FAM83E: variants seen among roughly 807,000 people sequenced by gnomAD.
FAM83E encodes the protein scaffolding CK1 anchoring protein E, also known as protein FAM83E.
In FAM83E, 29 loss-of-function variants were observed where a neutral mutation model predicts 34.3. That is an observed-to-expected ratio of 0.85 (90% confidence interval 0.63 to 1.15). FAM83E has a LOEUF of 1.15. FAM83E is among the 50% of genes most tolerant of loss of function. The pLI is 0.00. For missense variants in FAM83E, 697 were observed against 685.0 expected, an observed-to-expected ratio of 1.02 and a Z score of -0.20; for synonymous variants, 312 against 311.6, an observed-to-expected ratio of 1.00 and a Z score of -0.01.
At chr19:48,604,996 G>GGCGACAGGAGT (rs1973898474) in intron 5 of FAM83E, among the ~76,000 whole-genome samples, 1 of 144,964 alleles carries the variant, frequency 6.9e-6, no homozygotes, top group Non-Finnish European at 1.5e-5. Flanking sequence ...CTCCAACCTG[G>GGCGACAGGAGT]GCGACAGAGC....
In FAM83E at chr19:48,600,822, G is replaced by T; in HGVS notation, c.*287C>A. 1 of 358,438 alleles carries T rather than the reference G, an allele frequency of 2.8e-6. No individual in the cohort carries two copies. The highest frequency in any genetic ancestry group is 6.8e-5 in the East Asian group (1 of 14,660). The allele number at this position is 358,438 out of a possible 1,614,324, so 22.2% of individuals were successfully genotyped here. ...GTGCGCCACCACACCCAACTAATTTGTTTTTTTAATTGTAGAGATGGGGTC... is the reference window on the plus strand; with the variant it reads ...GTGCGCCACCACACCCAACTAATTTTTTTTTTTAATTGTAGAGATGGGGTC... On this transcript the variant is annotated 3_prime_UTR_variant, in exon 7 of 7. Transcript: ENST00000263266.
chr19:48,602,673 C>A (rs1973839004), intron 6 of FAM83E, among the ~76,000 whole-genome samples: 1 of 88,710 alleles, frequency 1.1e-5, no homozygotes, highest in Non-Finnish European at 2.0e-5. Flanking sequence ...CATTGCAGAG[C>A]AAGACCCTAT....
rs1973799825 is a variant in FAM83E, at chr19:48,600,972, C to T, written c.*137G>A. The T allele has an allele frequency of 6.8e-7, 1 of 1,463,852 alleles. No individual in the cohort carries two copies. The highest frequency in any genetic ancestry group is 2.5e-5 in the Admixed American group (1 of 40,090). The allele number at this position is 1,463,852 out of a possible 1,614,324, so 90.7% of individuals were successfully genotyped here. A position where few individuals can be genotyped will look rare whatever the true frequency, so the allele number is the denominator to read the frequency against. ...CCGGCCCAAGTTGCAGAACAAGTGA[C>T]AAACATCCCTTCTGCTTGACAGACG... On this transcript the variant is annotated 3_prime_UTR_variant, in exon 7 of 7. Transcript: ENST00000263266.
rs543968839 is a variant in FAM83E, at chr19:48,609,949, G to A, written c.685C>T (p.Arg229Trp). 5.5e-5 allele frequency: 88 copies of A among 1,613,058 alleles called. 1 individual carries two copies. The South Asian group carries it at 6.1e-4, about 11-fold the overall frequency. ...RGCSFQSRWRRQVSGTVREKF... is the reference protein window; with the variant it reads ...RGCSFQSRWRWQVSGTVREKF... ...TCCCGCACGGTGCCGCTCACCTGCC[G>A]TCGCCAGCGGCTCTGGAAGCTGCAG... Residue 229 changes from arginine to tryptophan, a missense_variant, in exon 5 of 7, where the codon CGG becomes TGG. Transcript: ENST00000263266.
intron 5 of FAM83E, chr19:48,607,679 T>G: frequency 3.3e-6 from 1 of 298,574 alleles, no homozygotes; most frequent in South Asian, 1.2e-4. Flanking sequence ...AAAAAATATA[T>G]ATATATCATA....
At chr19:48,606,238 G>A (rs934334889) in intron 5 of FAM83E, among the ~76,000 whole-genome samples, 2 of 152,182 alleles carry the variant, frequency 1.3e-5, no homozygotes, top group Admixed American at 6.6e-5. Context: ...TTGAAGCTGG[G>A]AAGCAGAAGC....
Position 48,614,068 on chromosome 19 carries a change from A to G in FAM83E, c.-696T>C. 1 of 985,320 alleles carries G rather than the reference A, an allele frequency of 1.0e-6. No individual in the cohort carries two copies. The highest frequency in any genetic ancestry group is 1.1e-4 in the East Asian group (1 of 8,818). 61.0% of individuals were successfully genotyped at this position (985,320 alleles called of 1,614,324 possible). The stretch of plus-strand genomic sequence containing the variant: ...GAGTTTCTCCTGCTCATCAGCTCTC[A>G]CCCGCAGACCAGCCAGGATGCCTCT... On this transcript the variant is annotated 5_prime_UTR_variant, in exon 3 of 7. Coordinates refer to ENST00000263266, the MANE Select transcript of FAM83E (RefSeq NM_017708.4).
Position 48,613,011 on chromosome 19 carries a change from G to A in FAM83E, c.362C>T (p.Ala121Val), listed in dbSNP as rs778652007. 2.0e-5 allele frequency: 32 copies of A among 1,604,162 alleles called. No homozygotes were observed. Among genetic ancestry groups the A allele is most frequent in the South Asian group, 4.5e-5 (4 of 89,716 alleles). Reference sequence around the variant, plus strand: ...CTGCGCCCGGGTGATGCCTTTCCACGCAGAGTCCACTGGCCAGCCCAGCCG... The same window carrying A: ...CTGCGCCCGGGTGATGCCTTTCCACACAGAGTCCACTGGCCAGCCCAGCCG... The part of the protein sequence containing the change: ...VLRLGWPVDS[A>V]WKGITRAQLY... The change falls in exon 3 of 7, where the codon GCG becomes GTG. Residue 121 changes from alanine (A) to valine (V), a missense_variant. Ala to Val is a moderately conservative substitution (Grantham distance 64). Transcript: ENST00000263266.
chr19:48,607,280 G>A, intron 5 of FAM83E: 1 of 1,601,794 alleles, frequency 6.2e-7, no homozygotes. Flanking sequence ...AGAGCCCCGA[G>A]CAGCCAGACA....
At position 48,603,896 on chromosome 19, in the gene FAM83E, G is replaced by A. The variant is rs776306481; in HGVS notation, c.774C>T (p.Asp258=). 9 of 1,600,042 alleles carry A rather than the reference G, an allele frequency of 5.6e-6. No individual in the cohort carries two copies. The Admixed American group carries it at 6.9e-5, about 12-fold the overall frequency. ...TCACCAGGCCTCGGTGCAGGCGTGC[G>A]TCACTCCACGTGAAGCTGGGGGTCG... ...ISGSYSFTWS[D]ARLHRGLVTL... is the part of the protein sequence containing the mutation. Residue 258 remains aspartate, a synonymous_variant, in exon 6 of 7, where the codon GAC becomes GAT. Coordinates refer to ENST00000263266, the MANE Select transcript of FAM83E (RefSeq NM_017708.4).
At chr19:48,605,261 C>T (rs1973907333) in intron 5 of FAM83E, among the ~76,000 whole-genome samples, 1 of 152,018 alleles carries the variant, frequency 6.6e-6, no homozygotes, top group African/African-American at 2.4e-5. Context: ...CTGCAGTGCT[C>T]ATCTGCAATC....
At position 48,614,959 on chromosome 19, in the gene FAM83E, C is replaced by T. The variant is rs970855833; in HGVS notation, c.-1410G>A. 3.3e-5 allele frequency: 8 copies of T among 241,768 alleles called. No homozygotes were observed. The highest frequency in any genetic ancestry group is 2.6e-4 in the South Asian group (2 of 7,802). The allele number at this position is 241,768 out of a possible 1,614,324, so 15.0% of individuals were successfully genotyped here. On this transcript the variant is annotated 5_prime_UTR_variant, in exon 1 of 7. Transcript: ENST00000263266. ...TACCTGTGCTCTCCCAGGGGGTGAA[C>T]GCCCCTCTAGACTCAGGCTTCCCGG...
Position 48,613,984 on chromosome 19 carries a change from ACAGT to A in FAM83E, c.-616_-613del. 1 of 985,286 alleles carries A rather than the reference ACAGT, an allele frequency of 1.0e-6. No individual in the cohort carries two copies. The highest frequency in any genetic ancestry group is 6.1e-5 in the Admixed American group (1 of 16,276). 61.0% of individuals were successfully genotyped at this position (985,286 alleles called of 1,614,324 possible). On this transcript the variant is annotated 5_prime_UTR_variant, in exon 3 of 7. An upstream open reading frame in the 5' UTR loses its in-frame stop. Coordinates refer to ENST00000263266, the MANE Select transcript of FAM83E (RefSeq NM_017708.4). Reference sequence around the variant, plus strand: ...GGCAAACGCCAATGGCTTCCGACTGACAGTCACAGTATCTGCCTGTTGGAGCATC... The same window carrying A: ...GGCAAACGCCAATGGCTTCCGACTGACACAGTATCTGCCTGTTGGAGCATC...
chr19:48,606,708 C>T (rs955951520), intron 5 of FAM83E: 1 of 501,968 alleles, frequency 2.0e-6, no homozygotes, highest in Middle Eastern at 5.4e-4. Context: ...CCAGAGCGGC[C>T]AGTGGGAACC....
chr19:48,609,856 G>C lies in FAM83E; in HGVS notation c.758+20C>G. On this transcript the variant is annotated intron_variant, in intron 5 of 6. Coordinates refer to ENST00000263266, the MANE Select transcript of FAM83E (RefSeq NM_017708.4). ...GGGGTATAGGACGCCGGGAGGTGGG[G>C]GGCGGGGCGGGGGCTACACCTGTAG... is the stretch of plus-strand genomic sequence containing the variant. The C allele has an allele frequency of 6.2e-7, 1 of 1,606,524 alleles. No homozygotes were observed. Among genetic ancestry groups the C allele is most frequent in the Non-Finnish European group, 8.5e-7 (1 of 1,175,242 alleles).
intron 5 of FAM83E, chr19:48,607,587 G>A (rs981087999): frequency 1.6e-5 from 9 of 570,432 alleles, no homozygotes; most frequent in African/African-American, 1.5e-4. Flanking sequence ...CTGTTCCACT[G>A]GTTCTAAGAC....
chr19:48,606,219 G>A lies in FAM83E; in HGVS notation c.759-2308C>T, dbSNP rs148940880. Among the ~76,000 whole-genome samples, 590 of 152,310 alleles carry A rather than the reference G, an allele frequency of 3.9e-3. 9 individuals carry two copies. Among genetic ancestry groups the A allele is most frequent in the African/African-American group, 0.013 (541 of 41,576 alleles). On this transcript the variant is annotated intron_variant, in intron 5 of 6. Coordinates refer to ENST00000263266, the MANE Select transcript of FAM83E (RefSeq NM_017708.4). ...CCAGCCACTCGGGAGGCTGAGTTAC[G>A]AGAATCGCTTGAAGCTGGGAAGCAG...
intron 5 of FAM83E, chr19:48,607,591 C>T: frequency 1.8e-6 from 1 of 556,698 alleles, no homozygotes; most frequent in Non-Finnish European, 3.2e-6. Context: ...TCCACTGGTT[C>T]TAAGACGCAG....
chr19:48,603,783 G>T lies in FAM83E; in HGVS notation c.887C>A (p.Pro296His), dbSNP rs778081953. ...GCCACCTATGACCGAGGGTTTCTGG[G>T]GGGGCGCAGGTGGGAGCGGGCAGGA... ...AASCPLPPAP[P>H]QKPSVIGGLQ... Residue 296 changes from proline to histidine, a missense_variant, in exon 6 of 7, where the codon CCC (proline) becomes CAC (histidine). By Grantham distance (77) the Pro-to-His change is moderately conservative (BLOSUM62 -2). Coordinates refer to ENST00000263266, the MANE Select transcript of FAM83E (RefSeq NM_017708.4). 3 of 1,591,798 alleles carry T rather than the reference G, an allele frequency of 1.9e-6. No homozygotes were observed. The Admixed American group carries it at 5.3e-5, about 28-fold the overall frequency.
Sources: gnomAD v4.1 joint callset for allele counts (sites outside exome capture counted in the v4.1 genomes callset) on GRCh38, gnomAD v4.1.1 for gene constraint, MANE v1.5 for transcripts, NCBI Gene and HGNC (gene_info 2026-07-23, HGNC 2026-07-21) for gene names.